CACNA2D1: variants seen among roughly 807,000 people sequenced by gnomAD.
The protein encoded by CACNA2D1 is calcium voltage-gated channel auxiliary subunit alpha2delta 1, also known as voltage-dependent calcium channel subunit alpha-2/delta-1.
CACNA2D1 carries 53 observed loss-of-function variants against 171.5 expected under a neutral mutation model. That is an observed-to-expected ratio of 0.31 (90% CI 0.25 to 0.39). CACNA2D1 has a LOEUF of 0.39. Among genes scored for constraint, CACNA2D1 ranks in the 10% least tolerant of loss-of-function variants. The pLI is 1.00. For synonymous variants in CACNA2D1, 442 were observed against 443.1 expected, an observed-to-expected ratio of 1.00 and a Z score of 0.03; for missense variants, 903 against 1,299.8, an observed-to-expected ratio of 0.69 and a Z score of 4.69.
chr7:82,251,062 G>A (rs1185169647), intron 3 of CACNA2D1, among the ~76,000 whole-genome samples: 1 of 152,102 alleles, frequency 6.6e-6, no homozygotes, highest in Non-Finnish European at 1.5e-5. Context: ...ATCTGTATCT[G>A]TATTCAAAAA....
At chr7:82,035,768 A>G (rs556627892) in intron 11 of CACNA2D1, among the ~76,000 whole-genome samples, 32 of 152,318 alleles carry the variant, frequency 2.1e-4, no homozygotes, top group African/African-American at 7.7e-4. Context: ...AAACTCAATT[A>G]TTGACTTAAG....
At chr7:82,299,098 C>T (rs1484599225) in intron 3 of CACNA2D1, among the ~76,000 whole-genome samples, 1 of 134,652 alleles carries the variant, frequency 7.4e-6, no homozygotes, top group African/African-American at 2.6e-5. Flanking sequence ...TAGTAAATAC[C>T]AAGTCATTTT....
At chr7:82,379,937 T>C (rs1275043984) in intron 1 of CACNA2D1, among the ~76,000 whole-genome samples, 2 of 152,200 alleles carry the variant, frequency 1.3e-5, no homozygotes, top group Admixed American at 6.5e-5. Context: ...AAGTAACATC[T>C]TAATATTGGA....
At chr7:82,370,977 T>A (rs761478419) in intron 1 of CACNA2D1, among the ~76,000 whole-genome samples, 10 of 152,102 alleles carry the variant, frequency 6.6e-5, no homozygotes, top group Non-Finnish European at 1.5e-4. Context: ...AAAATAAATA[T>A]CTGATTCTAT....
intron 6 of CACNA2D1, among the ~76,000 whole-genome samples, chr7:82,090,194 G>A (rs181737725): frequency 1.5e-4 from 23 of 151,942 alleles, no homozygotes; most frequent in East Asian, 1.9e-4. Context: ...AACTATCCTC[G>A]CCATGCTGTA....
intron 7 of CACNA2D1, among the ~76,000 whole-genome samples, chr7:82,080,251 A>G (rs1809586937): frequency 6.6e-6 from 1 of 151,816 alleles, no homozygotes; most frequent in Admixed American, 6.6e-5. Flanking sequence ...ATCAACAAGG[A>G]TATTTTTTAG....
At chr7:82,419,905 C>G (rs1354747799) in intron 1 of CACNA2D1, among the ~76,000 whole-genome samples, 1 of 152,162 alleles carries the variant, frequency 6.6e-6, no homozygotes, top group African/African-American at 2.4e-5. Context: ...CTGATGATAT[C>G]TGGTGACATT....
chr7:82,328,381 T>G (rs1816901507), intron 3 of CACNA2D1, among the ~76,000 whole-genome samples: 1 of 152,182 alleles, frequency 6.6e-6, no homozygotes, highest in South Asian at 2.1e-4. Flanking sequence ...TTTTATATCT[T>G]CTGATTGTTC....
chr7:82,013,201 T>C (rs895378612), intron 14 of CACNA2D1, among the ~76,000 whole-genome samples: 3 of 152,010 alleles, frequency 2.0e-5, no homozygotes, highest in African/African-American at 7.2e-5. Context: ...AATTTGATTT[T>C]ATTTATTTTC....
At chr7:82,354,276 T>G (rs1672789704) in intron 1 of CACNA2D1, among the ~76,000 whole-genome samples, 1 of 152,290 alleles carries the variant, frequency 6.6e-6, no homozygotes, top group Admixed American at 6.5e-5. Flanking sequence ...TCTTTTATTT[T>G]ATAGGAGATC....
Position 82,417,345 on chromosome 7 carries a change from T to C in CACNA2D1, c.95+26020A>G, listed in dbSNP as rs992026706. 3.0e-4 allele frequency among the ~76,000 whole-genome samples: 45 copies of C among 152,326 alleles called. No homozygotes were observed. The East Asian group carries it at 7.0e-3, about 24-fold the overall frequency. On this transcript the variant is annotated intron_variant, in intron 1 of 38. Coordinates refer to ENST00000356860, the MANE Select transcript of CACNA2D1 (RefSeq NM_000722.4). The stretch of plus-strand genomic sequence containing the variant: ...AAATTTACCCCTGGACATTTGACTG[T>C]ACATTACATAATTACACTTCCTGCT...
intron 3 of CACNA2D1, among the ~76,000 whole-genome samples, chr7:82,228,456 C>A (rs2129271589): frequency 6.6e-6 from 1 of 152,262 alleles, no homozygotes; most frequent in Non-Finnish European, 1.5e-5. Flanking sequence ...CTTGGTTATA[C>A]ATCATGGAAA....
intron 6 of CACNA2D1, among the ~76,000 whole-genome samples, chr7:82,095,314 C>T (rs1219678018): frequency 6.6e-6 from 1 of 152,158 alleles, no homozygotes; most frequent in Non-Finnish European, 1.5e-5. Flanking sequence ...ACTCCCTCCC[C>T]ACTCCTTATT....
At position 82,077,207 on chromosome 7, in the gene CACNA2D1, C is replaced by A. The variant is rs551473976; in HGVS notation, c.658+7562G>T. 2.3e-3 allele frequency among the ~76,000 whole-genome samples: 343 copies of A among 152,234 alleles called. 1 individual carries two copies. Among genetic ancestry groups the A allele is most frequent in the African/African-American group, 7.9e-3 (328 of 41,568 alleles). On this transcript the variant is annotated intron_variant, in intron 7 of 38. Coordinates refer to ENST00000356860, the MANE Select transcript of CACNA2D1 (RefSeq NM_000722.4). ...CCATATAGTAACCATAGCAGAGATGCTTTTTGTTCCCCAATATCTGTTTTC... is the reference window on the plus strand; with the variant it reads ...CCATATAGTAACCATAGCAGAGATGATTTTTGTTCCCCAATATCTGTTTTC...
At chr7:82,132,571 A>G (rs956506238) in intron 5 of CACNA2D1, among the ~76,000 whole-genome samples, 3 of 152,178 alleles carry the variant, frequency 2.0e-5, no homozygotes, top group African/African-American at 7.2e-5. Context: ...CCTCTAATCT[A>G]GAACGCAAAA....
At chr7:82,154,251 T>C (rs1360163581) in intron 4 of CACNA2D1, among the ~76,000 whole-genome samples, 1 of 152,152 alleles carries the variant, frequency 6.6e-6, no homozygotes, top group East Asian at 1.9e-4. Context: ...CAGACAATAG[T>C]CTAATATCAC....
intron 6 of CACNA2D1, among the ~76,000 whole-genome samples, chr7:82,093,675 G>A (rs1010469539): frequency 3.3e-5 from 5 of 152,126 alleles, no homozygotes; most frequent in Admixed American, 3.3e-4. Flanking sequence ...TATTCCAAGT[G>A]TTCCAGAAAG....
chr7:82,230,045 G>A (rs898894566), intron 3 of CACNA2D1, among the ~76,000 whole-genome samples: 13 of 152,140 alleles, frequency 8.5e-5, no homozygotes, highest in African/African-American at 2.9e-4. Flanking sequence ...TTGTGTTGGA[G>A]TATAATATCC....
At chr7:82,298,049 T>C (rs1002690471) in intron 3 of CACNA2D1, among the ~76,000 whole-genome samples, 6 of 152,100 alleles carry the variant, frequency 3.9e-5, no homozygotes, top group African/African-American at 1.4e-4. Flanking sequence ...AACTAGAAAA[T>C]GTTATTCAAA....
Sources: gnomAD v4.1 joint callset for allele counts (sites outside exome capture counted in the v4.1 genomes callset) on GRCh38, gnomAD v4.1.1 for gene constraint, MANE v1.5 for transcripts, NCBI Gene and HGNC (gene_info 2026-07-23, HGNC 2026-07-21) for gene names.